Variants in NR3C1 observed in about 807,000 individuals in gnomAD.
NR3C1 encodes glucocorticoid receptor.
In NR3C1, 14 loss-of-function variants were observed where a neutral mutation model predicts 74.0. That is an observed-to-expected ratio of 0.19 (90% CI 0.12 to 0.30). The LOEUF (loss-of-function observed/expected upper bound fraction) is 0.30, where lower values mean the gene tolerates loss of function less well. Among genes scored for constraint, NR3C1 ranks in the 10% least tolerant of loss-of-function variants. The probability of loss-of-function intolerance (pLI) is 1.00; values close to 1 mark genes in which losing one functional copy is unlikely to be tolerated. For synonymous variants in NR3C1, 308 were observed against 332.5 expected (o/e 0.93, Z 0.80); for missense variants, 695 against 909.8 (o/e 0.76, Z 3.04).
intron 1 of NR3C1, among the ~76,000 whole-genome samples, chr5:143,419,346 A>G: frequency 6.6e-6 from 1 of 152,178 alleles, no homozygotes; most frequent in East Asian, 1.9e-4. Context: ...GTTTATAAAT[A>G]TTTTCAGTAA....
intron 2 of NR3C1, among the ~76,000 whole-genome samples, chr5:143,374,529 C>T (rs774765864): frequency 2.7e-4 from 41 of 151,006 alleles, no homozygotes; most frequent in Non-Finnish European, 5.5e-4. Flanking sequence ...AAGACATGAT[C>T]AGGTGGGTGA....
intron 1 of NR3C1, among the ~76,000 whole-genome samples, chr5:143,429,334 A>AC (rs1219332389): frequency 1.8e-4 from 27 of 152,350 alleles, no homozygotes; most frequent in African/African-American, 6.5e-4. Context: ...AATTTTAACT[A>AC]CAAAATCTCA....
intron 1 of NR3C1, among the ~76,000 whole-genome samples, chr5:143,419,232 C>T (rs1250388898): frequency 6.6e-6 from 1 of 152,174 alleles, no homozygotes; most frequent in Non-Finnish European, 1.5e-5. Context: ...TATATTACTA[C>T]CAATTTATTT....
chr5:143,320,280 A>T (rs2151645712), intron 2 of NR3C1, among the ~76,000 whole-genome samples: 1 of 152,334 alleles, frequency 6.6e-6, no homozygotes, highest in African/African-American at 2.4e-5. Context: ...ATCTTATTTA[A>T]CAAGCCAAAG....
intron 1 of NR3C1, among the ~76,000 whole-genome samples, chr5:143,420,773 T>C (rs1751188929): frequency 6.6e-6 from 1 of 152,152 alleles, no homozygotes; most frequent in Admixed American, 6.5e-5. Context: ...GCCCTAGATG[T>C]AACCCAGTCA....
chr5:143,299,057 C>T (rs1391677655), intron 5 of NR3C1, among the ~76,000 whole-genome samples: 1 of 148,828 alleles, frequency 6.7e-6, no homozygotes, highest in Non-Finnish European at 1.5e-5. Flanking sequence ...CTCTGTCACC[C>T]AGGCTGGAGT....
At chr5:143,391,875 TGA>T (rs1487758201) in intron 2 of NR3C1, among the ~76,000 whole-genome samples, 3 of 152,206 alleles carry the variant, frequency 2.0e-5, no homozygotes, top group Admixed American at 1.3e-4. Context: ...ACTTAGCCAA[TGA>T]GAGTCATGCT....
At chr5:143,339,388 T>C (rs1827786544) in intron 2 of NR3C1, among the ~76,000 whole-genome samples, 1 of 152,220 alleles carries the variant, frequency 6.6e-6, no homozygotes, top group Admixed American at 6.5e-5. Flanking sequence ...TCTCTTATCT[T>C]CTCCCCTATT....
chr5:143,391,502 T>C (rs1838213908), intron 2 of NR3C1, among the ~76,000 whole-genome samples: 1 of 152,152 alleles, frequency 6.6e-6, no homozygotes, highest in South Asian at 2.1e-4. Context: ...TGACAAAGAA[T>C]CTTTGCATAC....
In NR3C1 at chr5:143,389,416, G is replaced by C. The variant is rs140176745; in HGVS notation, c.1184+10240C>G. 5.8e-4 allele frequency among the ~76,000 whole-genome samples: 89 copies of C among 152,240 alleles called. 2 individuals carry two copies. In the East Asian group the frequency reaches 0.013, roughly 23 times the overall value. On this transcript the variant is annotated intron_variant, in intron 2 of 8. Coordinates refer to ENST00000394464, the MANE Select transcript of NR3C1 (RefSeq NM_000176.3). ...TAATAACGTAGCTAGGTTGCTTATT[G>C]ATTTCCCAGTGTCCATAGAGAAACA... is the stretch of plus-strand genomic sequence containing the variant.
At chr5:143,365,420 G>C (rs77859960) in intron 2 of NR3C1, among the ~76,000 whole-genome samples, 1 of 152,116 alleles carries the variant, frequency 6.6e-6, no homozygotes, top group Non-Finnish European at 1.5e-5. Context: ...GATAAAAATT[G>C]TTCTTATAGG....
At chr5:143,388,430 G>A (rs769235655) in intron 2 of NR3C1, among the ~76,000 whole-genome samples, 4 of 152,054 alleles carry the variant, frequency 2.6e-5, no homozygotes, top group South Asian at 2.1e-4. Flanking sequence ...GTTTATTTAG[G>A]TATTCAACAT....
chr5:143,327,200 C>T (rs2151680105), intron 2 of NR3C1, among the ~76,000 whole-genome samples: 1 of 152,206 alleles, frequency 6.6e-6, no homozygotes, highest in South Asian at 2.1e-4. Context: ...GCAGGGGAAG[C>T]AAGACACGTC....
chr5:143,387,457 T>C lies in NR3C1; in HGVS notation c.1184+12199A>G, dbSNP rs61752261. 3.4e-3 allele frequency among the ~76,000 whole-genome samples: 520 copies of C among 152,338 alleles called. 4 individuals carry two copies. Among genetic ancestry groups the C allele is most frequent in the Non-Finnish European group, 5.5e-3 (371 of 68,012 alleles). On this transcript the variant is annotated intron_variant, in intron 2 of 8. Transcript: ENST00000394464. ...ATTCTGTCTCTTCTATGCTAGTTAA[T>C]GTGACAACTACCCTCTCCCTGCCAC...
At chr5:143,354,162 C>T (rs1425881613) in intron 2 of NR3C1, among the ~76,000 whole-genome samples, 2 of 152,214 alleles carry the variant, frequency 1.3e-5, no homozygotes, top group Non-Finnish European at 2.9e-5. Flanking sequence ...GAGAGTTAAG[C>T]TTTGGCTTAA....
At chr5:143,375,863 CATGTTACATTCTGAA>C (rs1835100491) in intron 2 of NR3C1, 2 of 152,146 alleles carry the variant, frequency 1.3e-5, no homozygotes, top group Non-Finnish European at 2.9e-5. Context: ...TCAAAATAAT[CATGTTACATTCTGAA>C]CAGTATCTGG....
At chr5:143,418,321 A>G (rs1441844738) in intron 1 of NR3C1, among the ~76,000 whole-genome samples, 1 of 152,206 alleles carries the variant, frequency 6.6e-6, no homozygotes, top group Non-Finnish European at 1.5e-5. Context: ...GGCTGGGACA[A>G]GGGACTGGGT....
chr5:143,395,229 A>G (rs963381208), intron 2 of NR3C1, among the ~76,000 whole-genome samples: 4 of 151,938 alleles, frequency 2.6e-5, no homozygotes, highest in Non-Finnish European at 5.9e-5. Context: ...CTCAATAGGA[A>G]TATTTTATTT....
At chr5:143,308,880 T>C (rs1820229604) in intron 4 of NR3C1, among the ~76,000 whole-genome samples, 1 of 152,184 alleles carries the variant, frequency 6.6e-6, no homozygotes, top group African/African-American at 2.4e-5. Flanking sequence ...ATAAAAGTGC[T>C]AATTTCACAA....
Sources: allele counts gnomAD v4.1 joint callset (sites outside exome capture counted in the v4.1 genomes callset), GRCh38; gene constraint gnomAD v4.1.1; transcripts MANE v1.5; gene names NCBI Gene and HGNC (gene_info 2026-07-23, HGNC 2026-07-21).